Variants in NOS1AP observed in about 807,000 individuals in gnomAD.
The protein encoded by NOS1AP is nitric oxide synthase 1 adaptor protein.
NOS1AP carries 21 observed loss-of-function variants against 56.2 expected under a neutral mutation model. That is an observed-to-expected ratio of 0.37 (90% CI 0.26 to 0.54). NOS1AP has a LOEUF of 0.54. Among genes scored for constraint, NOS1AP ranks in the 20% least tolerant of loss-of-function variants. The pLI is 0.84. For missense variants in NOS1AP, 522 were observed against 657.8 expected, an observed-to-expected ratio of 0.79 and a Z score of 2.26; for synonymous variants, 270 against 274.6, an observed-to-expected ratio of 0.98 and a Z score of 0.17.
intron 1 of NOS1AP, among the ~76,000 whole-genome samples, chr1:162,122,509 A>AT (rs35388532): frequency 0.47 from 66,262 of 142,256 alleles, 18,464 homozygotes; most frequent in Non-Finnish European, 0.63. Context: ...ATGAATCCCC[A>AT]TTTTTTTTTT....
In NOS1AP at chr1:162,221,532, GCGCACACACACA is replaced by G. The variant is rs1259268700; in HGVS notation, c.178-65810_178-65799del. The stretch of plus-strand genomic sequence containing the variant: ...GCAACACACACACGCACACACACGC[GCGCACACACACA>G]CACACACACACACACACACACACAC... On this transcript the variant is annotated intron_variant, in intron 2 of 9. Transcript: ENST00000361897. Among the ~76,000 whole-genome samples, 17 of 132,816 alleles carry G rather than the reference GCGCACACACACA, an allele frequency of 1.3e-4. No individual in the cohort carries two copies. In the East Asian group the frequency reaches 2.4e-3, roughly 18 times the overall value. The allele number at this position is 132,816 out of a possible 152,430, so 87.1% of individuals were successfully genotyped here.
At position 162,149,325 on chromosome 1, in the gene NOS1AP, T is replaced by A. The variant is rs139939942; in HGVS notation, c.106-5080T>A. ...CCTGAACTTCATCTACCTGCTGAGC[T>A]AACCTTCCAGTCAAGAGTGGGAGGG... On this transcript the variant is annotated intron_variant, in intron 1 of 9. Transcript: ENST00000361897. Among the ~76,000 whole-genome samples, 29 of 142,430 alleles carry A rather than the reference T, an allele frequency of 2.0e-4. 1 individual carries two copies. The highest frequency in any genetic ancestry group is 6.8e-4 in the African/African-American group (25 of 36,544). 93.4% of individuals were successfully genotyped at this position (142,430 alleles called of 152,430 possible). A position where few individuals can be genotyped will look rare whatever the true frequency, so the allele number is the denominator to read the frequency against.
At chr1:162,243,068 A>G (rs923750206) in intron 2 of NOS1AP, among the ~76,000 whole-genome samples, 3 of 152,156 alleles carry the variant, frequency 2.0e-5, no homozygotes, top group African/African-American at 7.2e-5. Context: ...TCCCTAAGGG[A>G]GCCTACTGTT....
At chr1:162,365,309 C>G in intron 8 of NOS1AP, 95 bp from the exon 9 acceptor site, 1 of 1,596,348 alleles carries the variant, frequency 6.3e-7, no homozygotes, top group South Asian at 1.1e-5. Context: ...TGGAGGGCAT[C>G]TCTGGTCCCG....
At chr1:162,259,967 CAATT>C (rs200208554) in intron 2 of NOS1AP, among the ~76,000 whole-genome samples, 3,786 of 152,102 alleles carry the variant, frequency 0.025, 67 homozygotes, top group Middle Eastern at 0.051. Context: ...TTATTCCAAT[CAATT>C]GTTTGGGTTT....
At chr1:162,077,730 T>G (rs986830943) in intron 1 of NOS1AP, among the ~76,000 whole-genome samples, 5 of 128,112 alleles carry the variant, frequency 3.9e-5, no homozygotes, top group East Asian at 2.8e-4. Context: ...TCCTGGGCAC[T>G]GGCTTACTCC....
At chr1:162,300,544 G>T in intron 3 of NOS1AP, 89 bp from the exon 4 acceptor site, 1 of 1,194,082 alleles carries the variant, frequency 8.4e-7, no homozygotes. Context: ...CAGGTCAGGA[G>T]CAAAATGCAT....
intron 1 of NOS1AP, among the ~76,000 whole-genome samples, chr1:162,074,050 A>G: frequency 6.6e-6 from 1 of 152,322 alleles, no homozygotes; most frequent in African/African-American, 2.4e-5. Context: ...AATAATAGTT[A>G]TATCTTATAT....
intron 4 of NOS1AP, among the ~76,000 whole-genome samples, chr1:162,331,916 G>C (rs1326643870): frequency 1.3e-5 from 2 of 152,172 alleles, no homozygotes; most frequent in Admixed American, 6.5e-5. Context: ...GCCTCCCCTT[G>C]TTCCTACCTC....
chr1:162,237,967 G>T (rs1462655789), intron 2 of NOS1AP, among the ~76,000 whole-genome samples: 1 of 152,114 alleles, frequency 6.6e-6, no homozygotes, highest in Non-Finnish European at 1.5e-5. Context: ...GTGTGGCCAG[G>T]CACACAGCTA....
At chr1:162,130,672 G>A (rs1333075556) in intron 1 of NOS1AP, among the ~76,000 whole-genome samples, 1 of 152,180 alleles carries the variant, frequency 6.6e-6, no homozygotes, top group African/African-American at 2.4e-5. Context: ...GAATGAGACC[G>A]CTGAGAAGTC....
intron 1 of NOS1AP, among the ~76,000 whole-genome samples, chr1:162,117,683 A>G (rs948572385): frequency 5.9e-5 from 9 of 152,208 alleles, no homozygotes; most frequent in African/African-American, 2.2e-4. Context: ...TGGTGCTCTG[A>G]AAGCACCTTG....
intron 2 of NOS1AP, among the ~76,000 whole-genome samples, chr1:162,236,511 C>T (rs537333092): frequency 5.3e-5 from 8 of 152,332 alleles, no homozygotes; most frequent in African/African-American, 1.9e-4. Context: ...TTTCTACTCC[C>T]GTCCATCAGT....
intron 6 of NOS1AP, among the ~76,000 whole-genome samples, chr1:162,353,580 TCTGTGCC>T (rs1452174183): frequency 1.3e-4 from 20 of 152,160 alleles, no homozygotes; most frequent in African/African-American, 4.6e-4. Flanking sequence ...GAACACTTTC[TCTGTGCC>T]AGAGAAACAT....
At chr1:162,180,522 G>T (rs970919378) in intron 2 of NOS1AP, among the ~76,000 whole-genome samples, 1 of 152,196 alleles carries the variant, frequency 6.6e-6, no homozygotes, top group African/African-American at 2.4e-5. Context: ...GGGATTATAG[G>T]CATGAGCCAC....
chr1:162,309,279 TA>T (rs2101764397), intron 4 of NOS1AP, among the ~76,000 whole-genome samples: 1 of 151,858 alleles, frequency 6.6e-6, no homozygotes, highest in East Asian at 1.9e-4. Flanking sequence ...CATATCAAAC[TA>T]CAAGCAAGGT....
intron 2 of NOS1AP, among the ~76,000 whole-genome samples, chr1:162,203,505 A>T (rs1385112373): frequency 6.6e-6 from 1 of 152,224 alleles, no homozygotes; most frequent in Non-Finnish European, 1.5e-5. Context: ...ATGAAAAGTC[A>T]TTAGAAGAAG....
intron 1 of NOS1AP, among the ~76,000 whole-genome samples, chr1:162,138,218 C>T (rs1334588516): frequency 1.3e-5 from 2 of 152,118 alleles, no homozygotes; most frequent in Non-Finnish European, 2.9e-5. Context: ...CAGAAAAAAG[C>T]ATAGCCTGGT....
At chr1:162,190,491 A>G (rs921175509) in intron 2 of NOS1AP, among the ~76,000 whole-genome samples, 29 of 152,270 alleles carry the variant, frequency 1.9e-4, no homozygotes, top group African/African-American at 6.5e-4. Context: ...TTTTTAATTG[A>G]CAAATAATGT....
Sources: allele counts gnomAD v4.1 joint callset (sites outside exome capture counted in the v4.1 genomes callset), GRCh38; gene constraint gnomAD v4.1.1; transcripts MANE v1.5; gene names NCBI Gene and HGNC (gene_info 2026-07-23, HGNC 2026-07-21).